Variants in HS6ST1 observed in about 807,000 individuals in gnomAD.
HS6ST1 encodes heparan-sulfate 6-O-sulfotransferase 1.
Under a neutral mutation model 25.2 loss-of-function variants are expected in HS6ST1, and 3 were observed. The ratio of observed to expected loss-of-function variants is 0.12; its 90% CI spans 0.05 to 0.31. The LOEUF (loss-of-function observed/expected upper bound fraction) is 0.31. Ranked by LOEUF, HS6ST1 falls within the 10% of genes least tolerant of loss-of-function variation. HS6ST1 has a pLI of 1.00. For missense variants in HS6ST1, 310 were observed against 609.6 expected, an observed-to-expected ratio of 0.51 and a Z score of 5.18; for synonymous variants, 204 against 275.1, an observed-to-expected ratio of 0.74 and a Z score of 2.56.
intron 1 of HS6ST1, among the ~76,000 whole-genome samples, chr2:128,316,711 G>T (rs1694369495): frequency 6.6e-6 from 1 of 151,906 alleles, no homozygotes; most frequent in Non-Finnish European, 1.5e-5. Flanking sequence ...GTGTGTGGGT[G>T]TGTGTGTGTA....
At chr2:128,276,315 T>C (rs907613100) in intron 1 of HS6ST1, among the ~76,000 whole-genome samples, 3 of 152,130 alleles carry the variant, frequency 2.0e-5, no homozygotes, top group Admixed American at 1.3e-4. Flanking sequence ...TTCGTATTTT[T>C]AGTAGAGATG....
At chr2:128,273,545 G>A (rs1287967848) in intron 1 of HS6ST1, among the ~76,000 whole-genome samples, 1 of 152,190 alleles carries the variant, frequency 6.6e-6, no homozygotes, top group Admixed American at 6.5e-5. Flanking sequence ...CTCTTTAGGA[G>A]CCAGAGGCGT....
At position 128,318,833 on chromosome 2, in the gene HS6ST1, A is replaced by T. The variant is rs1694421755; in HGVS notation, c.-270T>A. Reference sequence around the variant, plus strand: ...CAGCGCTCTCCGCGCCCCCAGCACCAGCCCGCTCCGCTCCACTCCGCGCCG... The same window carrying T: ...CAGCGCTCTCCGCGCCCCCAGCACCTGCCCGCTCCGCTCCACTCCGCGCCG... On this transcript the variant is annotated 5_prime_UTR_variant, in exon 1 of 2. Coordinates refer to ENST00000259241, the MANE Select transcript of HS6ST1 (RefSeq NM_004807.3). The surrounding 1 kb of genome is among the most constrained non-coding windows in gnomAD (Gnocchi z 5.7). Among the ~76,000 whole-genome samples, 1 of 146,572 alleles carries T rather than the reference A, an allele frequency of 6.8e-6. No individual in the cohort carries two copies. Among genetic ancestry groups the T allele is most frequent in the South Asian group, 2.1e-4 (1 of 4,770 alleles).
At chr2:128,296,396 A>T (rs1197564834) in intron 1 of HS6ST1, among the ~76,000 whole-genome samples, 1 of 152,260 alleles carries the variant, frequency 6.6e-6, no homozygotes, top group African/African-American at 2.4e-5. Context: ...AAAGGTATTC[A>T]GATTGGAAAG....
intron 1 of HS6ST1, among the ~76,000 whole-genome samples, chr2:128,282,888 C>T (rs747264650): frequency 1.3e-4 from 20 of 152,310 alleles, no homozygotes; most frequent in Non-Finnish European, 2.5e-4. Flanking sequence ...GGCCACAGCT[C>T]CTAACACAGG....
At chr2:128,281,966 G>C (rs1261189848) in intron 1 of HS6ST1, among the ~76,000 whole-genome samples, 3 of 152,244 alleles carry the variant, frequency 2.0e-5, no homozygotes, top group Non-Finnish European at 4.4e-5. Context: ...ACTGGGATTG[G>C]AGCCCATGTC....
intron 1 of HS6ST1, among the ~76,000 whole-genome samples, chr2:128,285,379 G>A: frequency 6.6e-6 from 1 of 152,156 alleles, no homozygotes; most frequent in South Asian, 2.1e-4. Flanking sequence ...CTGCCGTGGT[G>A]GCAGGGTCCA....
intron 1 of HS6ST1, among the ~76,000 whole-genome samples, chr2:128,276,984 TG>T (rs531565798): frequency 1.1e-3 from 164 of 152,294 alleles, no homozygotes; most frequent in African/African-American, 3.8e-3. Flanking sequence ...TCCAGGGCAG[TG>T]GGGGTTGCCC....
chr2:128,292,585 G>T (rs781585609), intron 1 of HS6ST1, among the ~76,000 whole-genome samples: 4 of 152,148 alleles, frequency 2.6e-5, no homozygotes, highest in Non-Finnish European at 5.9e-5. Flanking sequence ...AGGGCGGCCA[G>T]GCTCACGGGG....
At chr2:128,300,090 C>A (rs1326116350) in intron 1 of HS6ST1, among the ~76,000 whole-genome samples, 2 of 152,136 alleles carry the variant, frequency 1.3e-5, no homozygotes, top group Non-Finnish European at 2.9e-5. Flanking sequence ...ATTCACCAAA[C>A]CAAGGACCCC....
At position 128,312,315 on chromosome 2, in the gene HS6ST1, C is replaced by T. The variant is rs577818618; in HGVS notation, c.527+5722G>A. Among the ~76,000 whole-genome samples, 11 of 152,360 alleles carry T rather than the reference C, an allele frequency of 7.2e-5. No individual in the cohort carries two copies. In the South Asian group the frequency reaches 2.3e-3, roughly 32 times the overall value. ...GGGACTGACACATTCTCCACCTTCT[C>T]TGGGGCCTGACTTCCTTGTGTGGAA... On this transcript the variant is annotated intron_variant, in intron 1 of 1. Transcript: ENST00000259241.
chr2:128,301,228 C>T (rs1407821020), intron 1 of HS6ST1, among the ~76,000 whole-genome samples: 3 of 151,552 alleles, frequency 2.0e-5, no homozygotes, highest in Admixed American at 2.0e-4. Flanking sequence ...CCGGGGGCTG[C>T]GTAGCTCTAG....
intron 1 of HS6ST1, among the ~76,000 whole-genome samples, chr2:128,283,438 G>C (rs1239333429): frequency 6.6e-6 from 1 of 152,230 alleles, no homozygotes; most frequent in African/African-American, 2.4e-5. Context: ...CCCTGGCAGA[G>C]GACATAGTGG....
chr2:128,284,496 T>C (rs1693832234), intron 1 of HS6ST1, among the ~76,000 whole-genome samples: 1 of 145,564 alleles, frequency 6.9e-6, no homozygotes, highest in South Asian at 2.2e-4. Flanking sequence ...GGAGGTGACA[T>C]CGTCCCTCTT....
At chr2:128,284,654 A>G (rs1231560042) in intron 1 of HS6ST1, among the ~76,000 whole-genome samples, 1 of 151,866 alleles carries the variant, frequency 6.6e-6, no homozygotes. Flanking sequence ...TACCCAGCTA[A>G]TTTTTGTATT....
chr2:128,290,806 T>C (rs1485592417), intron 1 of HS6ST1, among the ~76,000 whole-genome samples: 1 of 66,986 alleles, frequency 1.5e-5, no homozygotes, highest in Non-Finnish European at 2.5e-5. Context: ...ACACCGTCTC[T>C]ACTAAAAATA....
At chr2:128,275,476 T>C (rs1328309690) in intron 1 of HS6ST1, among the ~76,000 whole-genome samples, 2 of 151,642 alleles carry the variant, frequency 1.3e-5, no homozygotes, top group African/African-American at 4.8e-5. Flanking sequence ...TCTGGAGAGG[T>C]TGGAAAGAGA....
At chr2:128,316,213 C>T (rs1287941245) in intron 1 of HS6ST1, among the ~76,000 whole-genome samples, 1 of 152,264 alleles carries the variant, frequency 6.6e-6, no homozygotes, top group African/African-American at 2.4e-5. Context: ...GACCCACAGG[C>T]GTGCGGGGCT....
chr2:128,288,619 G>T (rs1205616067), intron 1 of HS6ST1, among the ~76,000 whole-genome samples: 1 of 152,136 alleles, frequency 6.6e-6, no homozygotes, highest in African/African-American at 2.4e-5. Flanking sequence ...AGTGCCCTGG[G>T]CCATTTTTTC....
Sources: allele counts gnomAD v4.1 joint callset (sites outside exome capture counted in the v4.1 genomes callset), GRCh38; gene constraint gnomAD v4.1.1; non-coding constraint Gnocchi (gnomAD v3.1); transcripts MANE v1.5; gene names NCBI Gene and HGNC (gene_info 2026-07-23, HGNC 2026-07-21).